NWD2: variants seen among roughly 807,000 people sequenced by gnomAD.
The protein encoded by NWD2 is NACHT and WD repeat domain containing 2.
A neutral mutation model predicts 132.7 loss-of-function variants in NWD2; 37 were observed. That is an observed-to-expected ratio of 0.28 (90% confidence interval 0.21 to 0.37). NWD2 has a LOEUF of 0.37. NWD2 is among the 10% of genes least tolerant of loss of function. The pLI is 1.00. For synonymous variants in NWD2, 705 were observed against 803.0 expected (o/e 0.88, Z 2.06); for missense variants, 1,592 against 2,122.4 (o/e 0.75, Z 4.91).
intron 2 of NWD2, among the ~76,000 whole-genome samples, chr4:37,336,570 GC>G (rs1294543909): frequency 6.6e-6 from 1 of 152,130 alleles, no homozygotes; most frequent in Middle Eastern, 3.2e-3. Flanking sequence ...AACTAGAGGA[GC>G]CCCAGTGGGA....
intron 2 of NWD2, among the ~76,000 whole-genome samples, chr4:37,344,230 A>G (rs1027645494): frequency 6.6e-6 from 1 of 152,122 alleles, no homozygotes; most frequent in South Asian, 2.1e-4. Flanking sequence ...TTTGCCAGTT[A>G]TTGATCATGC....
At position 37,245,307 on chromosome 4, in the gene NWD2, T is replaced by G; in HGVS notation, c.151+89T>G. 6 of 1,359,044 alleles carry G rather than the reference T, an allele frequency of 4.4e-6. No homozygotes were observed. The South Asian group carries it at 9.1e-5, about 21-fold the overall frequency. The allele number at this position is 1,359,044 out of a possible 1,614,324, so 84.2% of individuals were successfully genotyped here. A position where few individuals can be genotyped will look rare whatever the true frequency, so the allele number is the denominator to read the frequency against. On this transcript the variant is annotated intron_variant, in intron 1 of 6. Transcript: ENST00000309447. ...AGTGTGTGTCCGCCCCACAGCCCGG[T>G]GCGCCCTGCGCTCCCTTCCTCCAGC...
intron 1 of NWD2, among the ~76,000 whole-genome samples, chr4:37,297,965 C>A (rs981710828): frequency 2.0e-5 from 3 of 152,036 alleles, no homozygotes; most frequent in Non-Finnish European, 2.9e-5. Context: ...CCCAGGAACA[C>A]CCCTAGGTTG....
chr4:37,283,619 T>G (rs1438848197), intron 1 of NWD2, among the ~76,000 whole-genome samples: 1 of 152,220 alleles, frequency 6.6e-6, no homozygotes, highest in Non-Finnish European at 1.5e-5. Context: ...CCCCACAGTG[T>G]GTAAGTCTTG....
At chr4:37,371,072 C>CTTTTTTTTTTT (rs1309185055) in intron 3 of NWD2, among the ~76,000 whole-genome samples, 14 of 100,514 alleles carry the variant, frequency 1.4e-4, no homozygotes, top group Non-Finnish European at 1.7e-4. Context: ...ATTTTTTTTT[C>CTTTTTTTTTTT]TTTTTCTTTT....
intron 3 of NWD2, among the ~76,000 whole-genome samples, chr4:37,375,315 A>G (rs571843473): frequency 6.6e-6 from 1 of 152,336 alleles, no homozygotes; most frequent in Non-Finnish European, 1.5e-5. Flanking sequence ...AATTGCCTAT[A>G]ATCTCATCAT....
At chr4:37,337,486 C>T (rs1462459156) in intron 2 of NWD2, among the ~76,000 whole-genome samples, 1 of 152,138 alleles carries the variant, frequency 6.6e-6, no homozygotes, top group African/African-American at 2.4e-5. Context: ...ATCTTGCCCG[C>T]AACTACTTTC....
At chr4:37,271,978 A>G (rs1390278323) in intron 1 of NWD2, among the ~76,000 whole-genome samples, 1 of 151,714 alleles carries the variant, frequency 6.6e-6, no homozygotes, top group African/African-American at 2.4e-5. Context: ...ATGTTCCCAT[A>G]TATTCCTGAT....
intron 1 of NWD2, among the ~76,000 whole-genome samples, chr4:37,245,543 C>G (rs564555055): frequency 2.3e-3 from 326 of 140,098 alleles, no homozygotes; most frequent in South Asian, 3.7e-3. Flanking sequence ...CCTCCTGTCC[C>G]CCGCCCTTTT....
At chr4:37,311,896 T>C (rs1457106239) in intron 1 of NWD2, among the ~76,000 whole-genome samples, 7 of 151,422 alleles carry the variant, frequency 4.6e-5, no homozygotes, top group Admixed American at 2.0e-4. Context: ...ATCCTTTCCC[T>C]ATTGCTTGTT....
intron 1 of NWD2, among the ~76,000 whole-genome samples, chr4:37,257,144 T>G (rs1717537568): frequency 6.6e-6 from 1 of 152,156 alleles, no homozygotes; most frequent in Non-Finnish European, 1.5e-5. Context: ...ACAAGGAGAA[T>G]GAGCCATCTT....
At position 37,446,299 on chromosome 4, in the gene NWD2, C is replaced by T; in HGVS notation, c.4311C>T (p.Thr1437=). Residue 1437 remains threonine, a synonymous_variant, in exon 7 of 7, where the codon ACC becomes ACT. Transcript: ENST00000309447. The surrounding 1 kb of genome is among the most constrained non-coding windows in gnomAD (Gnocchi z 6.7). ...GCCACAGGGTCTGCAACATTCTGAC[C>T]ACTTTGCAGAATGCCTTTATTACCT... is the stretch of plus-strand genomic sequence containing the variant. ...ATGHRVCNIL[T]TLQNAFITSA... The T allele has an allele frequency of 6.4e-7, 1 of 1,551,766 alleles. No homozygotes were observed. The highest frequency in any genetic ancestry group is 2.4e-5 in the East Asian group (1 of 40,922).
chr4:37,369,734 G>C (rs1258017631), intron 3 of NWD2, among the ~76,000 whole-genome samples: 1 of 152,146 alleles, frequency 6.6e-6, no homozygotes, highest in Non-Finnish European at 1.5e-5. Flanking sequence ...TAGAGGGGGG[G>C]TCAAAGTAGG....
intron 1 of NWD2, among the ~76,000 whole-genome samples, chr4:37,310,755 G>C (rs1020361014): frequency 1.3e-5 from 2 of 148,586 alleles, no homozygotes; most frequent in East Asian, 4.1e-4. Context: ...TTAGCATTAG[G>C]TATATCTCCT....
chr4:37,287,998 A>G (rs1296170655), intron 1 of NWD2, among the ~76,000 whole-genome samples: 1 of 152,222 alleles, frequency 6.6e-6, no homozygotes, highest in Non-Finnish European at 1.5e-5. Flanking sequence ...GAATGAGATC[A>G]TGTCCTTTTC....
At chr4:37,375,584 T>C (rs555445062) in intron 3 of NWD2, among the ~76,000 whole-genome samples, 30 of 150,864 alleles carry the variant, frequency 2.0e-4, no homozygotes, top group Non-Finnish European at 3.0e-4. Flanking sequence ...TTTTTTTTTT[T>C]CCGAGACGGA....
chr4:37,374,344 C>CT (rs1720300649), intron 3 of NWD2, among the ~76,000 whole-genome samples: 1 of 152,134 alleles, frequency 6.6e-6, no homozygotes, highest in Non-Finnish European at 1.5e-5. Context: ...GTTGTACAGC[C>CT]TGCAGAACAA....
intron 1 of NWD2, among the ~76,000 whole-genome samples, chr4:37,266,026 G>A (rs1201746269): frequency 6.6e-6 from 1 of 152,006 alleles, no homozygotes; most frequent in Admixed American, 6.6e-5. Context: ...TTCCCTACCA[G>A]ATGTCTAAAT....
At chr4:37,254,285 A>G (rs1577645120) in intron 1 of NWD2, among the ~76,000 whole-genome samples, 1 of 152,224 alleles carries the variant, frequency 6.6e-6, no homozygotes, top group East Asian at 1.9e-4. Context: ...GGCAATATGT[A>G]TTTCACTGAT....
Sources: allele counts gnomAD v4.1 joint callset (sites outside exome capture counted in the v4.1 genomes callset), GRCh38; gene constraint gnomAD v4.1.1; non-coding constraint Gnocchi (gnomAD v3.1); transcripts MANE v1.5; gene names NCBI Gene and HGNC (gene_info 2026-07-23, HGNC 2026-07-21).